PPFIBP2: variants seen among roughly 807,000 people sequenced by gnomAD.
PPFIBP2 encodes liprin-beta-2.
A neutral mutation model predicts 118.3 loss-of-function variants in PPFIBP2; 118 were observed. That is an observed-to-expected ratio of 1.00 (90% CI 0.86 to 1.16). The LOEUF (loss-of-function observed/expected upper bound fraction) is 1.16, where lower values mean the gene tolerates loss of function less well. Among genes scored for constraint, PPFIBP2 ranks in the 50% most tolerant of loss-of-function variants. PPFIBP2 has a pLI of 0.00. For synonymous variants in PPFIBP2, 414 were observed against 397.4 expected (o/e 1.04, Z -0.50); for missense variants, 1,195 against 1,073.1 (o/e 1.11, Z -1.59).
At chr11:7,640,406 C>T (rs1852016575) in intron 15 of PPFIBP2, among the ~76,000 whole-genome samples, 1 of 152,214 alleles carries the variant, frequency 6.6e-6, no homozygotes, top group Non-Finnish European at 1.5e-5. Context: ...GGTATCCTTT[C>T]GGTGCGTAAG....
chr11:7,666,896 C>A, the PPFIBP2 span: 1 of 196,770 alleles, frequency 5.1e-6, no homozygotes, highest in African/African-American at 2.3e-5. Flanking sequence ...AGCTCTAGCA[C>A]AGCAAACCTA....
At chr11:7,588,752 T>C (rs1464262571) in intron 3 of PPFIBP2, among the ~76,000 whole-genome samples, 1 of 152,246 alleles carries the variant, frequency 6.6e-6, no homozygotes, top group Non-Finnish European at 1.5e-5. Flanking sequence ...AGAGCAACAC[T>C]TGATAGACAC....
intron 4 of PPFIBP2, among the ~76,000 whole-genome samples, chr11:7,594,916 C>CAAAAAAAAAAAAAAA (rs58084975): frequency 1.6e-5 from 1 of 64,048 alleles, no homozygotes; most frequent in Non-Finnish European, 3.1e-5. Flanking sequence ...GACTCCATCT[C>CAAAAAAAAAAAAAAA]AAAAAAAAAA....
intron 3 of PPFIBP2, among the ~76,000 whole-genome samples, chr11:7,592,091 A>G (rs1859422510): frequency 6.6e-6 from 1 of 152,172 alleles, no homozygotes; most frequent in Admixed American, 6.5e-5. Context: ...TGAAGTGCTG[A>G]TTTCACTGGA....
chr11:7,535,085 A>G (rs749112399), intron 1 of PPFIBP2, among the ~76,000 whole-genome samples: 4 of 152,180 alleles, frequency 2.6e-5, no homozygotes, highest in Non-Finnish European at 5.9e-5. Context: ...CATTTCCACC[A>G]TCAGATACTG....
downstream of PPFIBP2, among the ~76,000 whole-genome samples, chr11:7,658,148 AT>A (rs113285986): frequency 1.2e-3 from 180 of 150,104 alleles, no homozygotes; most frequent in East Asian, 1.9e-3. Flanking sequence ...GCATGTTGTC[AT>A]TTTTTTTTTA....
downstream of PPFIBP2, among the ~76,000 whole-genome samples, chr11:7,654,433 G>C (rs1229608638): frequency 6.6e-6 from 1 of 152,358 alleles, no homozygotes; most frequent in Non-Finnish European, 1.5e-5. Context: ...CGTCACCGCT[G>C]TCTGATGGCC....
At chr11:7,633,994 G>A (rs1851116704) in intron 12 of PPFIBP2, among the ~76,000 whole-genome samples, 1 of 152,158 alleles carries the variant, frequency 6.6e-6, no homozygotes, top group South Asian at 2.1e-4. Flanking sequence ...GAGCAGACTA[G>A]ATGGGCATGC....
At chr11:7,641,076 C>T (rs1436210568) in intron 15 of PPFIBP2, 1 of 1,269,010 alleles carries the variant, frequency 7.9e-7, no homozygotes, top group Non-Finnish European at 1.0e-6. Flanking sequence ...GTACTGTACC[C>T]ATTCCAGGTG....
chr11:7,593,387 T>G (rs1164836377), intron 4 of PPFIBP2, among the ~76,000 whole-genome samples, 163 bp downstream of exon 4: 2 of 152,202 alleles, frequency 1.3e-5, no homozygotes, highest in African/African-American at 4.8e-5. Flanking sequence ...ATTAAGTAAC[T>G]GAGGGGACAA....
intron 3 of PPFIBP2, among the ~76,000 whole-genome samples, chr11:7,585,652 C>CA (rs1358144372): frequency 6.6e-6 from 1 of 152,214 alleles, no homozygotes; most frequent in African/African-American, 2.4e-5. Context: ...GCCATGGCAT[C>CA]AAGCACTCAC....
intron 21 of PPFIBP2, 23 bp from the exon 22 acceptor site, chr11:7,650,817 C>T: frequency 6.2e-7 from 1 of 1,611,660 alleles, no homozygotes; most frequent in Non-Finnish European, 8.5e-7. Context: ...CTAACTTCCT[C>T]ACTCTCCTTC....
the PPFIBP2 span, among the ~76,000 whole-genome samples, chr11:7,662,599 C>G: frequency 6.7e-6 from 1 of 149,456 alleles, no homozygotes; most frequent in South Asian, 2.2e-4. Flanking sequence ...TTCGTTTCAA[C>G]TTTGGTGAAT....
intron 4 of PPFIBP2, among the ~76,000 whole-genome samples, chr11:7,593,566 G>A (rs1446953412): frequency 1.3e-5 from 2 of 152,160 alleles, no homozygotes; most frequent in African/African-American, 4.8e-5. Flanking sequence ...GTCTTGCGAG[G>A]GAGGGGAGAT....
At chr11:7,568,056 C>T (rs904958388) in intron 3 of PPFIBP2, among the ~76,000 whole-genome samples, 6 of 152,220 alleles carry the variant, frequency 3.9e-5, no homozygotes, top group Non-Finnish European at 7.3e-5. Context: ...CTGTGCATCC[C>T]TTGCATATTT....
intron 2 of PPFIBP2, among the ~76,000 whole-genome samples, chr11:7,563,879 G>C (rs572150756): frequency 1.3e-5 from 2 of 152,058 alleles, no homozygotes; most frequent in African/African-American, 4.8e-5. Flanking sequence ...AAGAATGGTG[G>C]AACAGGCCAG....
chr11:7,593,403 C>T (rs894096107), intron 4 of PPFIBP2, among the ~76,000 whole-genome samples, 179 bp downstream of exon 4: 1 of 152,170 alleles, frequency 6.6e-6, no homozygotes, highest in African/African-American at 2.4e-5. Flanking sequence ...GACAATTTAA[C>T]TCTAGACTTG....
chr11:7,597,753 C>CGAGGGCTGTAG, intron 5 of PPFIBP2, 80 bp downstream of exon 5: 1 of 1,137,346 alleles, frequency 8.8e-7, no homozygotes, highest in Non-Finnish European at 1.3e-6. Context: ...CAGGCTACAG[C>CGAGGGCTGTAG]CCTCGCTGTC....
intron 5 of PPFIBP2, among the ~76,000 whole-genome samples, chr11:7,603,741 TAGA>T (rs1846963235): frequency 6.6e-6 from 1 of 152,246 alleles, no homozygotes; most frequent in Non-Finnish European, 1.5e-5. Context: ...TTTCATCTCT[TAGA>T]AGAAGTATTT....
Sources: gnomAD v4.1 joint callset for allele counts (sites outside exome capture counted in the v4.1 genomes callset) on GRCh38, gnomAD v4.1.1 for gene constraint, MANE v1.5 for transcripts, NCBI Gene and HGNC (gene_info 2026-07-23, HGNC 2026-07-21) for gene names.